FER1L5: variants seen among roughly 807,000 people sequenced by gnomAD.
FER1L5 encodes the protein fer-1 like family member 5.
FER1L5 carries 187 observed loss-of-function variants against 279.9 expected under a neutral mutation model. The ratio of observed to expected loss-of-function variants is 0.67; its 90% CI spans 0.59 to 0.75. The LOEUF is 0.75. Among genes scored for constraint, FER1L5 ranks in the 30% least tolerant of loss-of-function variants. FER1L5 has a pLI of 0.00. For synonymous variants in FER1L5, 921 were observed against 989.7 expected (o/e 0.93, Z 1.30); for missense variants, 2,091 against 2,594.4 (o/e 0.81, Z 4.21).
At position 96,688,070 on chromosome 2, in the gene FER1L5, A is replaced by G. The variant is rs553709459; in HGVS notation, c.2361+123A>G. Reference sequence around the variant, plus strand: ...GCGTGAGAAGGGAGGGTGTAGCTGCAGTAGCCCTGCACTGAAGAGGAAGAA... The same window carrying G: ...GCGTGAGAAGGGAGGGTGTAGCTGCGGTAGCCCTGCACTGAAGAGGAAGAA... On this transcript the variant is annotated intron_variant, in intron 24 of 52. Coordinates refer to ENST00000624922, the MANE Select transcript of FER1L5 (RefSeq NM_001293083.2). The G allele has an allele frequency of 3.7e-5, 48 of 1,308,158 alleles. No individual in the cohort carries two copies. In the East Asian group the frequency reaches 4.3e-4, roughly 12 times the overall value. 81.0% of individuals were successfully genotyped at this position (1,308,158 alleles called of 1,614,324 possible). A position where few individuals can be genotyped will look rare whatever the true frequency, so the allele number is the denominator to read the frequency against.
intron 9 of FER1L5, among the ~76,000 whole-genome samples, chr2:96,657,186 G>T (rs1029728829): frequency 2.6e-5 from 4 of 151,430 alleles, no homozygotes; most frequent in African/African-American, 9.7e-5. Flanking sequence ...CAATTCTCAT[G>T]CCTAAGCCCC....
intron 17 of FER1L5, among the ~76,000 whole-genome samples, 174 bp downstream of exon 17, chr2:96,669,311 G>C (rs1248774838): frequency 6.6e-6 from 1 of 152,172 alleles, no homozygotes; most frequent in Admixed American, 6.5e-5. Flanking sequence ...AGGCGTGGGG[G>C]CACAAGAAAG....
intron 19 of FER1L5, 99 bp downstream of exon 19, chr2:96,673,353 G>A: frequency 1.6e-6 from 2 of 1,260,222 alleles, no homozygotes; most frequent in Non-Finnish European, 2.2e-6. Context: ...AGATTCATAG[G>A]CATTATTTAC....
Position 96,661,765 on chromosome 2 carries a change from T to A in FER1L5, c.992T>A (p.Ile331Asn), listed in dbSNP as rs2075962867. 1.3e-6 allele frequency: 2 copies of A among 1,551,740 alleles called. No homozygotes were observed. Among genetic ancestry groups the A allele is most frequent in the Non-Finnish European group, 8.7e-7 (1 of 1,147,004 alleles). The change falls in exon 12 of 53, where the codon ATC (isoleucine) becomes AAC (asparagine). Residue 331 changes from isoleucine (I) to asparagine (N), a missense_variant. Transcript: ENST00000624922. ...AACATGGCTTACTTACAGCTCTTCA[T>A]CTACTGCGCAGAGGACCTTCACCTC... ...PINMAYLQLF[I>N]YCAEDLHLKK...
chr2:96,695,603 G>C lies in FER1L5; in HGVS notation c.3836G>C (p.Arg1279Thr). ...GAGTCCCTGAGGACAGAACCCATCA[G>C]GGACTTTCAGACCAACCCCAACTTC... The part of the protein sequence containing the change: ...GEESLRTEPI[R>T]DFQTNPNFPE... The change falls in exon 35 of 53, where the codon AGG becomes ACG. Residue 1279 changes from arginine (R) to threonine (T), a missense_variant. Transcript: ENST00000624922. The C allele has an allele frequency of 1.9e-6, 3 of 1,602,028 alleles. No homozygotes were observed. Among genetic ancestry groups the C allele is most frequent in the Non-Finnish European group, 2.6e-6 (3 of 1,174,532 alleles).
intron 6 of FER1L5, 144 bp downstream of exon 6, chr2:96,650,433 A>G (rs990439675): frequency 4.4e-6 from 3 of 676,224 alleles, no homozygotes; most frequent in Admixed American, 5.2e-5. Flanking sequence ...TCCTTGCCAC[A>G]TGCCCTGCTC....
At chr2:96,649,560 C>T (rs1456704556) in intron 4 of FER1L5, 63 bp from the exon 5 acceptor site, 57 of 1,504,228 alleles carry the variant, frequency 3.8e-5, no homozygotes, top group Non-Finnish European at 5.2e-5. Context: ...CTGTGCAGGG[C>T]TTGGGTGCTG....
At position 96,697,594 on chromosome 2, in the gene FER1L5, C is replaced by CTGA; in HGVS notation, c.4134+18_4134+19insTGA. 6.2e-7 allele frequency: 1 copy of CTGA among 1,613,764 alleles called. No homozygotes were observed. Among genetic ancestry groups the CTGA allele is most frequent in the Non-Finnish European group, 8.5e-7 (1 of 1,179,786 alleles). The stretch of plus-strand genomic sequence containing the variant: ...AAGCAGAGGTGATGAAGGCTCAGCC[C>CTGA]CATTCAGTGCAGGGAGGTGGGGGGC... On this transcript the variant is annotated intron_variant, in intron 38 of 52. Transcript: ENST00000624922.
chr2:96,680,915 C>T (rs2076698565), intron 19 of FER1L5, among the ~76,000 whole-genome samples: 1 of 152,206 alleles, frequency 6.6e-6, no homozygotes, highest in African/African-American at 2.4e-5. Context: ...TGCTTAACTA[C>T]AGCCACTCCT....
In FER1L5 at chr2:96,691,948, T is replaced by C. The variant is rs2077164261; in HGVS notation, c.3199T>C (p.Tyr1067His). Residue 1067 changes from tyrosine (Y) to histidine (H), a missense_variant, in exon 30 of 53, where the codon TAC becomes CAC. Physicochemically the swap from Tyr to His is moderately conservative, Grantham distance 83 (BLOSUM62 2). Coordinates refer to ENST00000624922, the MANE Select transcript of FER1L5 (RefSeq NM_001293083.2). This position sits in a 1 kb window ranked among gnomAD's most constrained non-coding sequence, Gnocchi z 6.0. The stretch of plus-strand genomic sequence containing the variant: ...CCGGCCCCCCAACTTGCCCTTCATC[T>C]ACTGCACCTTCAATAGTAAGCACTG... ...DTRPPNLPFI[Y>H]CTFNKPHYYQ... 2 of 1,517,380 alleles carry C rather than the reference T, an allele frequency of 1.3e-6. No homozygotes were observed. Among genetic ancestry groups the C allele is most frequent in the African/African-American group, 2.9e-5 (2 of 68,724 alleles). 94.0% of individuals were successfully genotyped at this position (1,517,380 alleles called of 1,614,324 possible). A position where few individuals can be genotyped will look rare whatever the true frequency, so the allele number is the denominator to read the frequency against.
chr2:96,702,001 C>T lies in FER1L5; in HGVS notation c.5117C>T (p.Pro1706Leu), dbSNP rs1003956927. ...WVDIFPKKLG[P>L]PGPQVNINPR... is the part of the protein sequence containing the mutation. ...GACATCTTCCCCAAGAAGCTGGGGC[C>T]TCCTGGCCCCCAAGTCAACATCAAC... Residue 1706 changes from proline to leucine, a missense_variant, in exon 46 of 53, where the codon CCT becomes CTT. Pro to Leu is a moderately conservative substitution (Grantham distance 98). Coordinates refer to ENST00000624922, the MANE Select transcript of FER1L5 (RefSeq NM_001293083.2). The surrounding 1 kb of genome is among the most constrained non-coding windows in gnomAD (Gnocchi z 4.0). 1.4e-5 allele frequency: 23 copies of T among 1,613,872 alleles called. No homozygotes were observed. The highest frequency in any genetic ancestry group is 1.9e-5 in the Non-Finnish European group (22 of 1,179,888).
intron 13 of FER1L5, 100 bp from the exon 14 acceptor site, chr2:96,663,339 G>A: frequency 1.8e-6 from 2 of 1,090,190 alleles, no homozygotes; most frequent in Non-Finnish European, 2.8e-6. Context: ...CCTCTGTGCT[G>A]TGGTGTCCAC....
At chr2:96,700,596 C>T in intron 45 of FER1L5, 125 bp downstream of exon 45, 1 of 1,274,890 alleles carries the variant, frequency 7.8e-7, no homozygotes, top group Non-Finnish European at 1.1e-6. Context: ...TAGTAATGTA[C>T]ATGCACAGAA....
rs768259238 is a variant in FER1L5 at position 96,693,905 on chromosome 2, C to G, written c.3475-6C>G. 4.9e-5 allele frequency: 76 copies of G among 1,543,800 alleles called. No individual in the cohort carries two copies. The South Asian group carries it at 7.9e-4, about 16-fold the overall frequency. On this transcript the variant is annotated splice_polypyrimidine_tract_variant and splice_region_variant and intron_variant, in intron 32 of 52. Transcript: ENST00000624922. ...CCTCCATGCTTTGTGAACTTCCCCC[C>G]TCCAGGGCAAGGAGAGCTTGTGGGG...
rs2077358896 is a variant in FER1L5 at position 96,695,922 on chromosome 2, T to C, written c.4057+18T>C. 3.1e-6 allele frequency: 5 copies of C among 1,612,456 alleles called. No individual in the cohort carries two copies. The South Asian group carries it at 4.4e-5, about 14-fold the overall frequency. ...GCTTCCAAGTACGGCCCTTCCTCCG[T>C]GCCTTTCCCCAGGCCTCACAAGCGA... On this transcript the variant is annotated intron_variant, in intron 36 of 52. Coordinates refer to ENST00000624922, the MANE Select transcript of FER1L5 (RefSeq NM_001293083.2).
At position 96,697,511 on chromosome 2, in the gene FER1L5, C is replaced by CCT; in HGVS notation, c.4084-11_4084-10dup. The CCT allele has an allele frequency of 6.2e-7, 1 of 1,612,162 alleles. No homozygotes were observed. The highest frequency in any genetic ancestry group is 8.5e-7 in the Non-Finnish European group (1 of 1,179,198). On this transcript the variant is annotated splice_polypyrimidine_tract_variant and intron_variant, in intron 37 of 52. Coordinates refer to ENST00000624922, the MANE Select transcript of FER1L5 (RefSeq NM_001293083.2). ...TGAGCTATGGCTTTCCCTTGCTCACCCTCTCCTTTTTCAGTTCCTAGGCTA... is the reference window on the plus strand; with the variant it reads ...TGAGCTATGGCTTTCCCTTGCTCACCCTCTCTCCTTTTTCAGTTCCTAGGCTA...
At position 96,642,894 on chromosome 2, in the gene FER1L5, A is replaced by G; in HGVS notation, c.58A>G (p.Arg20Gly). ...TGACCCACCACTAGCCCCACTACCC[A>G]GGCCCTGCATGTCCATCGACTTCAG... is the stretch of plus-strand genomic sequence containing the variant. The part of the protein sequence containing the change: ...KIDPPLAPLP[R>G]PCMSIDFRDI... The change falls in exon 1 of 53, where the codon AGG (arginine) becomes GGG (glycine). Residue 20 changes from arginine (R) to glycine (G), a missense_variant. Physicochemically the swap from Arg to Gly is moderately radical, Grantham distance 125 (BLOSUM62 -2). Transcript: ENST00000624922. 1 of 1,551,164 alleles carries G rather than the reference A, an allele frequency of 6.4e-7. No homozygotes were observed. The highest frequency in any genetic ancestry group is 8.7e-7 in the Non-Finnish European group (1 of 1,146,716).
chr2:96,680,593 A>C (rs1057409963), intron 19 of FER1L5, among the ~76,000 whole-genome samples: 3 of 151,326 alleles, frequency 2.0e-5, no homozygotes, highest in Non-Finnish European at 4.4e-5. Context: ...TCCCTTCCCC[A>C]CTTATCTCCT....
Position 96,662,045 on chromosome 2 carries a change from C to T in FER1L5, c.1019-170C>T, listed in dbSNP as rs78752212. 6.3e-3 allele frequency among the ~76,000 whole-genome samples: 965 copies of T among 152,278 alleles called. 7 individuals carry two copies. The highest frequency in any genetic ancestry group is 0.023 in the African/African-American group (936 of 41,560). On this transcript the variant is annotated intron_variant, in intron 12 of 52. Transcript: ENST00000624922. ...CAAGGCTCCCTATGTCCCCCCACCC[C>T]ATGCCATTGTGTGGAAGAAGAAGGG...
Sources: gnomAD v4.1 joint callset for allele counts (sites outside exome capture counted in the v4.1 genomes callset) on GRCh38, gnomAD v4.1.1 for gene constraint, Gnocchi (gnomAD v3.1) non-coding constraint, MANE v1.5 for transcripts, NCBI Gene and HGNC (gene_info 2026-07-23, HGNC 2026-07-21) for gene names.